RAB9B: variants seen among roughly 807,000 people sequenced by gnomAD.
RAB9B encodes RAB9B, member RAS oncogene family, also known as ras-related protein Rab-9B.
Under a neutral mutation model 8.9 loss-of-function variants are expected in RAB9B, and 1 was observed. The observed-to-expected ratio is 0.11, with a 90% CI of 0.04 to 0.53. The LOEUF (loss-of-function observed/expected upper bound fraction) is 0.53. Among genes scored for constraint, RAB9B ranks in the 20% least tolerant of loss-of-function variants. The pLI is 0.93. For synonymous variants in RAB9B, 63 were observed against 57.0 expected, an observed-to-expected ratio of 1.10 and a Z score of -0.47; for missense variants, 82 against 152.9, an observed-to-expected ratio of 0.54 and a Z score of 2.45.
the RAB9B span, chrX:103,785,540 C>T: frequency 8.9e-7 from 1 of 1,122,689 alleles, no homozygotes; most frequent in East Asian, 3.0e-5. Context: ...GCATGAGCTA[C>T]CTACTGGATG....
the RAB9B span, among the ~76,000 whole-genome samples, chrX:103,815,908 C>T: frequency 9.0e-6 from 1 of 111,475 alleles, no homozygotes; most frequent in Non-Finnish European, 1.9e-5. Flanking sequence ...GAACTACAAA[C>T]CACTGCTCAA....
the RAB9B span, among the ~76,000 whole-genome samples, chrX:103,808,208 C>G: frequency 1.5e-4 from 17 of 112,088 alleles, no homozygotes; most frequent in Non-Finnish European, 3.2e-4. Flanking sequence ...GCCTCTGTTT[C>G]TTCCAAGATA....
At chrX:103,809,156 C>T in the RAB9B span, among the ~76,000 whole-genome samples, 1 of 111,501 alleles carries the variant, frequency 9.0e-6, no homozygotes, top group Admixed American at 9.5e-5. Flanking sequence ...CATGATTTCT[C>T]TCTCTCTGTC....
the RAB9B span, chrX:103,786,828 C>A: frequency 2.2e-6 from 2 of 889,943 alleles, no homozygotes; most frequent in Non-Finnish European, 3.3e-6. Flanking sequence ...TCTCTAGGGG[C>A]CTGGCATTTG....
chrX:103,829,778 C>T (rs772852873), intron 1 of RAB9B, among the ~76,000 whole-genome samples: 1 of 111,992 alleles, frequency 8.9e-6, no homozygotes, highest in Admixed American at 9.5e-5. Context: ...CAAACTTTTC[C>T]TGTCTTTCTT....
intron 1 of RAB9B, among the ~76,000 whole-genome samples, chrX:103,829,874 T>C (rs1359096197): frequency 4.5e-5 from 5 of 111,848 alleles, no homozygotes; most frequent in Middle Eastern, 4.2e-3. Flanking sequence ...GGATCCTCCA[T>C]GGAGATAATA....
At chrX:103,812,158 T>C in the RAB9B span, among the ~76,000 whole-genome samples, 1 of 110,320 alleles carries the variant, frequency 9.1e-6, no homozygotes, top group African/African-American at 3.3e-5. Flanking sequence ...CATACCCTCT[T>C]TCTCTTCTTA....
the RAB9B span, among the ~76,000 whole-genome samples, chrX:103,803,363 T>C: frequency 8.9e-6 from 1 of 112,361 alleles, no homozygotes; most frequent in Admixed American, 9.4e-5. Flanking sequence ...TCAACACTTG[T>C]TATTATCTGG....
chrX:103,781,201 C>A, the RAB9B span: 6 of 261,315 alleles, frequency 2.3e-5, no homozygotes, highest in Non-Finnish European at 4.6e-5. Context: ...GTCCTTGAGG[C>A]GGGCCCAGGG....
chrX:103,815,786 A>G, the RAB9B span, among the ~76,000 whole-genome samples: 1 of 111,927 alleles, frequency 8.9e-6, no homozygotes, highest in Non-Finnish European at 1.9e-5. Context: ...CTATACACCA[A>G]TAACAGACAA....
intron 1 of RAB9B, among the ~76,000 whole-genome samples, chrX:103,829,872 C>T (rs517312): frequency 0.035 from 3,951 of 111,653 alleles, 188 homozygotes; most frequent in African/African-American, 0.12. Flanking sequence ...CAGGATCCTC[C>T]ATGGAGATAA....
chrX:103,812,458 G>A, the RAB9B span, among the ~76,000 whole-genome samples: 16 of 111,672 alleles, frequency 1.4e-4, no homozygotes, highest in Non-Finnish European at 1.3e-4. Flanking sequence ...GATCCTCCCT[G>A]TCAAGTACCT....
At chrX:103,779,456 G>GC in the RAB9B span, among the ~76,000 whole-genome samples, 1 of 111,864 alleles carries the variant, frequency 8.9e-6, no homozygotes, top group South Asian at 3.8e-4. Context: ...TGGCAAGAAT[G>GC]CCCCAAGAAT....
the RAB9B span, chrX:103,776,819 T>C: frequency 6.1e-5 from 30 of 490,983 alleles, no homozygotes; most frequent in Admixed American, 1.4e-4. Context: ...TTTAAGGGGG[T>C]TGGCTGTCAA....
the RAB9B span, among the ~76,000 whole-genome samples, chrX:103,810,321 A>T: frequency 9.0e-6 from 1 of 111,453 alleles, no homozygotes; most frequent in Non-Finnish European, 1.9e-5. Flanking sequence ...TGAGGTCTGG[A>T]TGCCTGTTGG....
At chrX:103,787,863 T>A in the RAB9B span, 1 of 1,207,728 alleles carries the variant, frequency 8.3e-7, no homozygotes, top group South Asian at 1.8e-5. Context: ...CTGCTGTGCC[T>A]GTGTACATTT....
chrX:103,824,096 A>G lies in RAB9B; in HGVS notation c.*1083T>C, dbSNP rs910763583. On this transcript the variant is annotated 3_prime_UTR_variant, in exon 3 of 3. Coordinates refer to ENST00000243298, the MANE Select transcript of RAB9B (RefSeq NM_016370.4). ...AGGCAGTCCATTCCACTGTTGGACAACTCTGTTTATGGGAAATTCATTCTA... is the reference window on the plus strand; with the variant it reads ...AGGCAGTCCATTCCACTGTTGGACAGCTCTGTTTATGGGAAATTCATTCTA... 1 of 111,883 alleles carries G rather than the reference A, an allele frequency of 8.9e-6. No homozygotes were observed. The highest frequency in any genetic ancestry group is 3.2e-5 in the African/African-American group (1 of 30,792). 9.2% of individuals were successfully genotyped at this position (111,883 alleles called of 1,213,427 possible). A position where few individuals can be genotyped will look rare whatever the true frequency, so the allele number is the denominator to read the frequency against.
chrX:103,808,945 CT>C, the RAB9B span, among the ~76,000 whole-genome samples: 2 of 113,218 alleles, frequency 1.8e-5, no homozygotes, highest in Non-Finnish European at 3.7e-5. Context: ...GGCCCAGGCC[CT>C]TTCTTTGTCA....
the RAB9B span, among the ~76,000 whole-genome samples, chrX:103,803,108 G>T: frequency 3.6e-5 from 4 of 112,029 alleles, no homozygotes; most frequent in Admixed American, 3.8e-4. Context: ...CAGTTAATGA[G>T]CATTTGGGGT....
Sources: gnomAD v4.1 joint callset for allele counts (sites outside exome capture counted in the v4.1 genomes callset) on GRCh38, gnomAD v4.1.1 for gene constraint, MANE v1.5 for transcripts, NCBI Gene and HGNC (gene_info 2026-07-23, HGNC 2026-07-21) for gene names.